STRA8: variants seen among roughly 807,000 people sequenced by gnomAD.
The protein encoded by STRA8 is stimulated by retinoic acid 8, also known as stimulated by retinoic acid gene 8 protein homolog.
STRA8 carries 18 observed loss-of-function variants against 37.1 expected under a neutral mutation model. The observed-to-expected ratio is 0.48, with a 90% CI of 0.34 to 0.72. STRA8 has a LOEUF of 0.72. STRA8 is among the 30% of genes least tolerant of loss of function. The probability of loss-of-function intolerance (pLI) is 0.01; values close to 1 mark genes in which losing one functional copy is unlikely to be tolerated. For synonymous variants in STRA8, 168 were observed against 162.9 expected, an observed-to-expected ratio of 1.03 and a Z score of -0.24; for missense variants, 357 against 410.4, an observed-to-expected ratio of 0.87 and a Z score of 1.13.
chr7:135,233,368 T>C (rs537008900), upstream of STRA8, among the ~76,000 whole-genome samples: 70 of 152,182 alleles, frequency 4.6e-4, no homozygotes, highest in Non-Finnish European at 8.5e-4. Context: ...TTTTCTCATG[T>C]TTTCGCTTGA....
Position 135,242,800 on chromosome 7 carries a change from CAA to C in STRA8, c.214_215del (p.Lys72GlufsTer12), listed in dbSNP as rs994607483. The stretch of plus-strand genomic sequence containing the variant: ...CCTCAGTGGCAGGTTCTGAATAAGG[CAA>C]AGAGTCATATTCCAGAACTGGAGCA... On this transcript the variant is annotated frameshift_variant, in exon 3 of 9. Coordinates refer to ENST00000662584, the MANE Select transcript of STRA8 (RefSeq NM_001394401.1). LOFTEE classifies it high-confidence loss of function. 2.5e-6 allele frequency: 4 copies of C among 1,614,038 alleles called. No homozygotes were observed. The highest frequency in any genetic ancestry group is 2.7e-5 in the African/African-American group (2 of 74,922).
chr7:135,240,753 C>A (rs374029072), intron 2 of STRA8, 37 bp downstream of exon 2: 1 of 1,605,934 alleles, frequency 6.2e-7, no homozygotes, highest in African/African-American at 1.3e-5. Flanking sequence ...GACATCTCCA[C>A]GGGGAAGGAG....
chr7:135,248,056 C>G (rs1832590337), intron 6 of STRA8, among the ~76,000 whole-genome samples: 2 of 152,214 alleles, frequency 1.3e-5, no homozygotes, highest in African/African-American at 4.8e-5. Flanking sequence ...TTTGAGGAGA[C>G]GACATGCTAG....
intron 2 of STRA8, among the ~76,000 whole-genome samples, chr7:135,241,917 C>T (rs1250849789): frequency 2.6e-5 from 4 of 152,066 alleles, no homozygotes; most frequent in Non-Finnish European, 4.4e-5. Flanking sequence ...TAACAAACAA[C>T]ATTTAGCATT....
In STRA8 at chr7:135,239,026, G is replaced by C. The variant is rs368359698; in HGVS notation, c.-6-1493G>C. The stretch of plus-strand genomic sequence containing the variant: ...CCCTGTTCCAAAAAGCAAAACAAGG[G>C]AAAGTTGATACACTGGGGAAGACCA... On this transcript the variant is annotated intron_variant, in intron 1 of 8. Coordinates refer to ENST00000662584, the MANE Select transcript of STRA8 (RefSeq NM_001394401.1). Among the ~76,000 whole-genome samples, 52 of 152,326 alleles carry C rather than the reference G, an allele frequency of 3.4e-4. 1 individual carries two copies. The highest frequency in any genetic ancestry group is 1.1e-3 in the African/African-American group (44 of 41,566).
At position 135,246,049 on chromosome 7, in the gene STRA8, G is replaced by A. The variant is rs902124445; in HGVS notation, c.594-368G>A. 7.1e-6 allele frequency: 2 copies of A among 279,730 alleles called. No homozygotes were observed. Among genetic ancestry groups the A allele is most frequent in the African/African-American group, 4.6e-5 (2 of 43,872 alleles). 17.3% of individuals were successfully genotyped at this position (279,730 alleles called of 1,614,324 possible). ...AGCCGAGCCTGACTTTCGGGCTGCA[G>A]GTTAAAGTTGGAGTCCTATCATGCC... On this transcript the variant is annotated intron_variant, in intron 5 of 8. Coordinates refer to ENST00000662584, the MANE Select transcript of STRA8 (RefSeq NM_001394401.1). The surrounding 1 kb of genome is among the most constrained non-coding windows in gnomAD (Gnocchi z 5.4).
intron 4 of STRA8, 98 bp from the exon 5 acceptor site, chr7:135,245,190 C>T: frequency 1.3e-6 from 1 of 750,712 alleles, no homozygotes. Flanking sequence ...CACACACATA[C>T]ATATACATGT....
chr7:135,239,265 G>C (rs1832424348), intron 1 of STRA8, among the ~76,000 whole-genome samples: 1 of 152,176 alleles, frequency 6.6e-6, no homozygotes, highest in Non-Finnish European at 1.5e-5. Context: ...AGTTAGCGGT[G>C]GCTCTCAAAG....
Position 135,258,585 on chromosome 7 carries a change from C to CAAGA in STRA8, c.*93_*94insAAGA. ...GCTAAGGTTGCACCTGCCTTGGCCT[C>CAAGA]CAGGACTCTTTGGAGTGGGTTGTTC... On this transcript the variant is annotated 3_prime_UTR_variant, in exon 9 of 9. Coordinates refer to ENST00000662584, the MANE Select transcript of STRA8 (RefSeq NM_001394401.1). 1 of 1,001,020 alleles carries CAAGA rather than the reference C, an allele frequency of 1.0e-6. No homozygotes were observed. The allele number at this position is 1,001,020 out of a possible 1,614,324, so 62.0% of individuals were successfully genotyped here.
At position 135,246,316 on chromosome 7, in the gene STRA8, C is replaced by A; in HGVS notation, c.594-101C>A. ...TCTCAGCCCTGGTGAGCCGTGGCGCCGTGGCCGGGCCTGCGTGCTGGGGTC... is the reference window on the plus strand; with the variant it reads ...TCTCAGCCCTGGTGAGCCGTGGCGCAGTGGCCGGGCCTGCGTGCTGGGGTC... On this transcript the variant is annotated intron_variant, in intron 5 of 8. Coordinates refer to ENST00000662584, the MANE Select transcript of STRA8 (RefSeq NM_001394401.1). The surrounding 1 kb of genome is among the most constrained non-coding windows in gnomAD (Gnocchi z 5.4). The A allele has an allele frequency of 2.0e-6, 3 of 1,486,756 alleles. No homozygotes were observed. In the South Asian group the frequency reaches 3.7e-5, roughly 18 times the overall value. The allele number at this position is 1,486,756 out of a possible 1,614,324, so 92.1% of individuals were successfully genotyped here.
intron 6 of STRA8, among the ~76,000 whole-genome samples, chr7:135,248,676 A>C (rs1004623558): frequency 2.0e-5 from 3 of 152,088 alleles, no homozygotes; most frequent in Admixed American, 6.5e-5. Flanking sequence ...GTGTCACTGC[A>C]CTCCAGCCTG....
chr7:135,246,479 AG>A lies in STRA8; in HGVS notation c.658del (p.Glu220ArgfsTer54). Reference protein sequence around the residue: ...LLTGSGIITPQEAALPIVSAA... With the variant: ...LLTGSGIITPXEAALPIVSAA... ...ACTGGCAGCGGGATCATTACCCCGC[AG>A]GAGGCGGCGCTGCCCATCGTCTCCG... is the stretch of plus-strand genomic sequence containing the variant. On this transcript the variant is annotated frameshift_variant, in exon 6 of 9. Transcript: ENST00000662584. LOFTEE classifies it high-confidence loss of function. The surrounding 1 kb of genome is among the most constrained non-coding windows in gnomAD (Gnocchi z 5.4). The A allele has an allele frequency of 6.3e-7, 1 of 1,589,520 alleles. No individual in the cohort carries two copies. Among genetic ancestry groups the A allele is most frequent in the Non-Finnish European group, 8.6e-7 (1 of 1,167,296 alleles).
chr7:135,241,675 T>A (rs948304338), intron 2 of STRA8, among the ~76,000 whole-genome samples: 10 of 152,238 alleles, frequency 6.6e-5, no homozygotes, highest in Non-Finnish European at 1.3e-4. Context: ...GACTATTCCC[T>A]CCTCCTTGTA....
At chr7:135,248,552 T>TA (rs569379316) in intron 6 of STRA8, among the ~76,000 whole-genome samples, 61 of 150,706 alleles carry the variant, frequency 4.0e-4, no homozygotes, top group South Asian at 8.4e-4. Context: ...TACTAAAAAC[T>TA]AAAAAAAAAT....
intron 2 of STRA8, among the ~76,000 whole-genome samples, chr7:135,242,541 G>C (rs542168218): frequency 2.0e-5 from 3 of 152,312 alleles, no homozygotes; most frequent in African/African-American, 7.2e-5. Context: ...GCTGAACAAA[G>C]CTTAACTCTT....
At chr7:135,253,897 G>T (rs1314612455) in intron 7 of STRA8, among the ~76,000 whole-genome samples, 1 of 152,208 alleles carries the variant, frequency 6.6e-6, no homozygotes, top group Non-Finnish European at 1.5e-5. Flanking sequence ...CTCAAGGGGA[G>T]CCTGGCCTAT....
At chr7:135,248,362 T>G (rs142733916) in intron 6 of STRA8, among the ~76,000 whole-genome samples, 133 of 150,750 alleles carry the variant, frequency 8.8e-4, no homozygotes, top group African/African-American at 3.1e-3. Context: ...CCCTCCATTA[T>G]CTCCCCTGAT....
chr7:135,232,119 T>TGGGGGGGGGGGGGGGGGGG, upstream of STRA8: 1 of 723,280 alleles, frequency 1.4e-6, no homozygotes, highest in Non-Finnish European at 2.4e-6. Flanking sequence ...TGGCAGTGGT[T>TGGGGGGGGGGGGGGGGGGG]GGGGCGGGAG....
At chr7:135,244,338 G>A (rs528254529) in intron 4 of STRA8, among the ~76,000 whole-genome samples, 27 of 152,342 alleles carry the variant, frequency 1.8e-4, no homozygotes, top group Non-Finnish European at 3.2e-4. Flanking sequence ...GATTACAGGT[G>A]TGAGCTACCA....
Sources: gnomAD v4.1 joint callset for allele counts (sites outside exome capture counted in the v4.1 genomes callset) on GRCh38, gnomAD v4.1.1 for gene constraint, Gnocchi (gnomAD v3.1) non-coding constraint, MANE v1.5 for transcripts, NCBI Gene and HGNC (gene_info 2026-07-23, HGNC 2026-07-21) for gene names.